Variants in PCM1 observed in about 807,000 individuals in gnomAD.
The protein encoded by PCM1 is pericentriolar material 1 protein.
PCM1 carries 157 observed loss-of-function variants against 241.9 expected under a neutral mutation model. The ratio of observed to expected loss-of-function variants is 0.65; its 90% CI spans 0.57 to 0.74. The LOEUF (loss-of-function observed/expected upper bound fraction) is 0.74, where lower values mean the gene tolerates loss of function less well. PCM1 is among the 30% of genes least tolerant of loss of function. PCM1 has a pLI of 0.00. For missense variants in PCM1, 3,478 were observed against 2,360.1 expected, an observed-to-expected ratio of 1.47 and a Z score of -9.81; for synonymous variants, 1,085 against 784.9, an observed-to-expected ratio of 1.38 and a Z score of -6.39.
intron 29 of PCM1, among the ~76,000 whole-genome samples, chr8:18,004,699 A>G (rs949757952): frequency 6.6e-6 from 1 of 152,178 alleles, no homozygotes; most frequent in African/African-American, 2.4e-5. Context: ...CAGTCACCTG[A>G]GTTAGACTTC....
rs1039745854 is a variant in PCM1, at chr8:18,009,678, A to G, written c.5094A>G (p.Ile1698Met). ...KLMQDLDNNS[I>M]TVKQRCKRKI... Reference sequence around the variant, plus strand: ...TGCAAGATTTGGATAATAATAGTATAACTGTTAAACAGAGATGCAAAAGGA... The same window carrying G: ...TGCAAGATTTGGATAATAATAGTATGACTGTTAAACAGAGATGCAAAAGGA... The change falls in exon 31 of 39, where the codon ATA becomes ATG. Residue 1698 changes from isoleucine (I) to methionine (M), a missense_variant. Transcript: ENST00000325083. The G allele has an allele frequency of 1.9e-6, 3 of 1,554,856 alleles. No individual in the cohort carries two copies. The highest frequency in any genetic ancestry group is 2.6e-6 in the Non-Finnish European group (3 of 1,152,156).
intron 17 of PCM1, 113 bp from the exon 18 acceptor site, chr8:17,964,455 T>G: frequency 1.4e-6 from 1 of 722,858 alleles, no homozygotes; most frequent in African/African-American, 1.8e-5. Flanking sequence ...TAAATGAAAT[T>G]TTATATACAG....
rs2069165149 is a variant in PCM1 at position 17,957,535 on chromosome 8, A to C, written c.1805-5A>C. On this transcript the variant is annotated splice_region_variant and splice_polypyrimidine_tract_variant and intron_variant, in intron 12 of 38. Coordinates refer to ENST00000325083, the MANE Select transcript of PCM1 (RefSeq NM_006197.4). ...ACTGGTTTTAATTATACATGTTTTC[A>C]GCAGATTGTCGATATAATAGAGAAG... 4.4e-6 allele frequency: 7 copies of C among 1,593,434 alleles called. No individual in the cohort carries two copies. Among genetic ancestry groups the C allele is most frequent in the Non-Finnish European group, 6.0e-6 (7 of 1,167,622 alleles).
At chr8:18,006,900 A>T (rs2091484390) in intron 30 of PCM1, among the ~76,000 whole-genome samples, 1 of 152,116 alleles carries the variant, frequency 6.6e-6, no homozygotes, top group Non-Finnish European at 1.5e-5. Context: ...TTATCACAGC[A>T]AGTAGTGTGG....
intron 36 of PCM1, among the ~76,000 whole-genome samples, chr8:18,015,973 C>G (rs2093144092): frequency 6.6e-6 from 1 of 152,224 alleles, no homozygotes; most frequent in East Asian, 1.9e-4. Flanking sequence ...ACTGCAACCT[C>G]TGCCTCCTGG....
intron 2 of PCM1, chr8:17,927,673 C>G (rs971912661): frequency 8.5e-5 from 13 of 152,062 alleles, no homozygotes; most frequent in African/African-American, 2.9e-4. Context: ...GCCTCAGCCT[C>G]CCTAGTAGCT....
intron 36 of PCM1, among the ~76,000 whole-genome samples, chr8:18,023,006 T>C (rs1410155024): frequency 1.3e-5 from 2 of 152,220 alleles, no homozygotes; most frequent in Admixed American, 6.5e-5. Context: ...TTCCTCTTTC[T>C]ATTTAAATCA....
chr8:18,013,868 G>A (rs1012635441), intron 34 of PCM1, 96 bp from the exon 35 acceptor site: 3 of 696,176 alleles, frequency 4.3e-6, no homozygotes, highest in Middle Eastern at 2.4e-4. Context: ...TTTGTATGAA[G>A]GTCTTGGGTT....
At position 17,955,527 on chromosome 8, in the gene PCM1, G is replaced by C. The variant is rs1478957547; in HGVS notation, c.1346G>C (p.Gly449Ala). The stretch of plus-strand genomic sequence containing the variant: ...ACTTCAGCTCCCTCTGCTTCTGTAG[G>C]CTTGGCACCGGTTGTCAATGGAGAA... ...RSTSAPSASV[G>A]LAPVVNGESN... Residue 449 changes from glycine (G) to alanine (A), a missense_variant, in exon 10 of 39, where the codon GGC becomes GCC. Physicochemically the swap from Gly to Ala is moderately conservative, Grantham distance 60. Coordinates refer to ENST00000325083, the MANE Select transcript of PCM1 (RefSeq NM_006197.4). The C allele has an allele frequency of 6.2e-7, 1 of 1,613,694 alleles. No individual in the cohort carries two copies. The highest frequency in any genetic ancestry group is 1.3e-5 in the African/African-American group (1 of 75,006).
Position 17,955,583 on chromosome 8 carries a change from C to A in PCM1, c.1402C>A (p.Pro468Thr). 6.2e-7 allele frequency: 1 copy of A among 1,613,672 alleles called. No individual in the cohort carries two copies. Among genetic ancestry groups the A allele is most frequent in the Non-Finnish European group, 8.5e-7 (1 of 1,179,624 alleles). ...TAGCCTCACATCATCTGTTCCTTATCCTACTGCTTCTCTAGTATCTCAGAA... is the reference window on the plus strand; with the variant it reads ...TAGCCTCACATCATCTGTTCCTTATACTACTGCTTCTCTAGTATCTCAGAA... ...SNSLTSSVPY[P>T]TASLVSQNES... is the part of the protein sequence containing the mutation. Residue 468 changes from proline to threonine, a missense_variant, in exon 10 of 39, where the codon CCT becomes ACT. Pro to Thr is a conservative substitution (Grantham distance 38). Coordinates refer to ENST00000325083, the MANE Select transcript of PCM1 (RefSeq NM_006197.4).
intron 6 of PCM1, among the ~76,000 whole-genome samples, chr8:17,940,860 C>G (rs1009187953): frequency 2.0e-5 from 3 of 152,140 alleles, no homozygotes; most frequent in Admixed American, 1.3e-4. Flanking sequence ...TGCCTATAAC[C>G]ATGCATTATT....
At chr8:17,960,526 T>C in intron 15 of PCM1, 82 bp downstream of exon 15, 2 of 987,186 alleles carry the variant, frequency 2.0e-6, no homozygotes, top group Non-Finnish European at 2.9e-6. Flanking sequence ...TTTTTGTTTT[T>C]GTTTTTCTTT....
At chr8:18,010,305 A>G (rs914432420) in intron 31 of PCM1, among the ~76,000 whole-genome samples, 29 of 152,268 alleles carry the variant, frequency 1.9e-4, no homozygotes, top group African/African-American at 7.0e-4. Flanking sequence ...CTCTTTTATG[A>G]GAAGGAAACA....
In PCM1 at chr8:17,926,048, G is replaced by A. The variant is rs1483108912; in HGVS notation, c.-23+1268G>A. 2.0e-5 allele frequency: 3 copies of A among 151,730 alleles called. No individual in the cohort carries two copies. The East Asian group carries it at 5.8e-4, about 29-fold the overall frequency. The allele number at this position is 151,730 out of a possible 1,614,324, so 9.4% of individuals were successfully genotyped here. On this transcript the variant is annotated intron_variant, in intron 2 of 38. Transcript: ENST00000325083. ...CTAACAAAACAGGGCAAGAAAAATG[G>A]AACTCAAGGGAAAGGTCACATGTGA... is the stretch of plus-strand genomic sequence containing the variant.
Position 17,931,137 on chromosome 8 carries a change from A to G in PCM1, c.-22-4452A>G, listed in dbSNP as rs780696988. 3.9e-5 allele frequency among the ~76,000 whole-genome samples: 6 copies of G among 152,282 alleles called. No homozygotes were observed. In the South Asian group the frequency reaches 6.2e-4, roughly 16 times the overall value. On this transcript the variant is annotated intron_variant, in intron 2 of 38. Coordinates refer to ENST00000325083, the MANE Select transcript of PCM1 (RefSeq NM_006197.4). Reference sequence around the variant, plus strand: ...AAAATCATCTGTTTTTCCCAAACTAATTAGAGTGTACAGTTTTAAAATTGT... The same window carrying G: ...AAAATCATCTGTTTTTCCCAAACTAGTTAGAGTGTACAGTTTTAAAATTGT...
At chr8:17,926,151 T>G (rs913833965) in intron 2 of PCM1, 4 of 152,228 alleles carry the variant, frequency 2.6e-5, no homozygotes, top group Admixed American at 2.6e-4. Context: ...AATTACAAAA[T>G]TAGTTATAAG....
chr8:17,964,917 C>A, intron 18 of PCM1, 149 bp downstream of exon 18: 1 of 621,692 alleles, frequency 1.6e-6, no homozygotes, highest in Non-Finnish European at 2.8e-6. Flanking sequence ...TAGTGCAGAC[C>A]CCTCAAGTTA....
chr8:17,955,403 A>C, intron 9 of PCM1, 67 bp from the exon 10 acceptor site: 1 of 1,087,394 alleles, frequency 9.2e-7, no homozygotes, highest in Non-Finnish European at 1.3e-6. Context: ...TATCCAAGCC[A>C]ACTGTATGTG....
chr8:17,964,597 A>G lies in PCM1; in HGVS notation c.2684A>G (p.Gln895Arg), dbSNP rs1253106534. 1.2e-6 allele frequency: 2 copies of G among 1,613,738 alleles called. No homozygotes were observed. Among genetic ancestry groups the G allele is most frequent in the Non-Finnish European group, 8.5e-7 (1 of 1,179,816 alleles). ...ATGGCAACTTGGGGAGGGTCTACCC[A>G]GTGTGCACTAGATGAAGAAGGAGAT... ...KTMATWGGST[Q>R]CALDEEGDED... The change falls in exon 18 of 39, where the codon CAG (glutamine) becomes CGG (arginine). Residue 895 changes from glutamine to arginine, a missense_variant. Physicochemically the swap from Gln to Arg is conservative, Grantham distance 43. Transcript: ENST00000325083.
Sources: gnomAD v4.1 joint callset for allele counts (sites outside exome capture counted in the v4.1 genomes callset) on GRCh38, gnomAD v4.1.1 for gene constraint, MANE v1.5 for transcripts, NCBI Gene and HGNC (gene_info 2026-07-23, HGNC 2026-07-21) for gene names.